RABEP1: variants seen among roughly 807,000 people sequenced by gnomAD.
RABEP1 encodes rab GTPase-binding effector protein 1.
In RABEP1, 51 loss-of-function variants were observed where a neutral mutation model predicts 123.4. The observed-to-expected ratio is 0.41, with a 90% confidence interval of 0.33 to 0.52. The LOEUF (loss-of-function observed/expected upper bound fraction) is 0.52. Ranked by LOEUF, RABEP1 falls within the 20% of genes least tolerant of loss-of-function variation. RABEP1 has a pLI of 0.16. For synonymous variants in RABEP1, 347 were observed against 355.2 expected, an observed-to-expected ratio of 0.98 and a Z score of 0.26; for missense variants, 888 against 996.3, an observed-to-expected ratio of 0.89 and a Z score of 1.46.
rs777914012 is a variant in RABEP1, at chr17:5,354,426, T to A, written c.1031T>A (p.Ile344Lys). The change falls in exon 8 of 18, where the codon ATA becomes AAA. Residue 344 changes from isoleucine (I) to lysine (K), a missense_variant. Physicochemically the swap from Ile to Lys is moderately radical, Grantham distance 102. Transcript: ENST00000537505. ...DHKKADVEEE[I>K]KIPVVCALTQ... is the part of the protein sequence containing the mutation. ...AAAAAAGCAGATGTTGAGGAAGAAA[T>A]AAAAATACCAGTAGTGTGTGCTTTA... 1 of 1,612,982 alleles carries A rather than the reference T, an allele frequency of 6.2e-7. No individual in the cohort carries two copies. Among genetic ancestry groups the A allele is most frequent in the Non-Finnish European group, 8.5e-7 (1 of 1,179,534 alleles).
At chr17:5,285,876 GCATGTAC>G in intron 1 of RABEP1, among the ~76,000 whole-genome samples, 2 of 150,802 alleles carry the variant, frequency 1.3e-5, no homozygotes, top group Non-Finnish European at 2.9e-5. Flanking sequence ...CTTATCATAT[GCATGTAC>G]CAGGCATGAT....
At chr17:5,320,441 A>AAAAAAAAAAAAAAAAAAAAAC (rs2075343460) in intron 2 of RABEP1, among the ~76,000 whole-genome samples, 1 of 141,036 alleles carries the variant, frequency 7.1e-6, no homozygotes, top group Admixed American at 6.9e-5. Context: ...AAAAAAAAAA[A>AAAAAAAAAAAAAAAAAAAAAC]AAAGAAAAAG....
intron 1 of RABEP1, among the ~76,000 whole-genome samples, chr17:5,295,419 AT>A: frequency 6.6e-6 from 1 of 151,836 alleles, no homozygotes; most frequent in Admixed American, 6.6e-5. Flanking sequence ...TTTTAATGGT[AT>A]GTAACAATAG....
At chr17:5,286,909 T>A (rs957242415) in intron 1 of RABEP1, among the ~76,000 whole-genome samples, 3 of 152,158 alleles carry the variant, frequency 2.0e-5, no homozygotes, top group Non-Finnish European at 4.4e-5. Context: ...TCAGGCAGCT[T>A]TATTGAGAAG....
chr17:5,341,461 T>C (rs1255836173), intron 5 of RABEP1, among the ~76,000 whole-genome samples: 1 of 152,230 alleles, frequency 6.6e-6, no homozygotes, highest in Non-Finnish European at 1.5e-5. Context: ...AAAAATCTTA[T>C]TGTCTCTTGC....
At chr17:5,297,937 T>G (rs1306434622) in intron 1 of RABEP1, among the ~76,000 whole-genome samples, 1 of 152,244 alleles carries the variant, frequency 6.6e-6, no homozygotes, top group Non-Finnish European at 1.5e-5. Flanking sequence ...ATCAAGAGTT[T>G]CCTCCCAAGT....
chr17:5,291,419 G>A (rs1280319567), intron 1 of RABEP1, among the ~76,000 whole-genome samples: 2 of 152,064 alleles, frequency 1.3e-5, no homozygotes, highest in African/African-American at 4.8e-5. Context: ...TTAAAAAAAA[G>A]AAAACTAGAC....
chr17:5,323,752 A>ATATT lies in RABEP1; in HGVS notation c.164-8196_164-8195insATTT, dbSNP rs1462488799. ...TATATATATCTAGGAATATATATATATCTAGGAATATATATATATATCTAG... is the reference window on the plus strand; with the variant it reads ...TATATATATCTAGGAATATATATATATATTTCTAGGAATATATATATATATCTAG... On this transcript the variant is annotated intron_variant, in intron 2 of 17. Transcript: ENST00000537505. Among the ~76,000 whole-genome samples the ATATT allele has an allele frequency of 4.6e-4, 58 of 124,978 alleles. 10 individuals are homozygous for ATATT. The highest frequency in any genetic ancestry group is 1.6e-3 in the African/African-American group (52 of 32,868). The allele number at this position is 124,978 out of a possible 152,430, so 82.0% of individuals were successfully genotyped here.
chr17:5,296,459 A>G (rs968965045), intron 1 of RABEP1, among the ~76,000 whole-genome samples: 1 of 151,986 alleles, frequency 6.6e-6, no homozygotes, highest in Non-Finnish European at 1.5e-5. Flanking sequence ...CTGGGTTTCT[A>G]CATGTTGATG....
rs1354214015 is a variant in RABEP1, at chr17:5,346,972, G to A, written c.784+47G>A. ...ATCTTTGTCTCTAAGAACCATATAA[G>A]TTAAATTGATGTTGACTAATAACAG... On this transcript the variant is annotated intron_variant, in intron 6 of 17. Transcript: ENST00000537505. The A allele has an allele frequency of 3.5e-6, 5 of 1,446,150 alleles. No homozygotes were observed. The African/African-American group carries it at 7.1e-5, about 21-fold the overall frequency. The allele number at this position is 1,446,150 out of a possible 1,614,324, so 89.6% of individuals were successfully genotyped here. A position where few individuals can be genotyped will look rare whatever the true frequency, so the allele number is the denominator to read the frequency against.
intron 6 of RABEP1, among the ~76,000 whole-genome samples, chr17:5,350,163 G>A (rs1167444141): frequency 6.6e-6 from 1 of 152,158 alleles, no homozygotes; most frequent in East Asian, 1.9e-4. Context: ...GGCGGATCAT[G>A]AGGTCAGGAG....
At chr17:5,337,995 G>A (rs1907249225) in intron 4 of RABEP1, 24 bp from the exon 5 acceptor site, 10 of 1,588,608 alleles carry the variant, frequency 6.3e-6, no homozygotes, top group Non-Finnish European at 8.5e-6. Context: ...ATAAGTCGTA[G>A]CATTTAATTC....
Position 5,380,414 on chromosome 17 carries a change from A to G in RABEP1, c.2322A>G (p.Glu774=). The G allele has an allele frequency of 6.4e-7, 1 of 1,572,594 alleles. No homozygotes were observed. The highest frequency in any genetic ancestry group is 8.6e-7 in the Non-Finnish European group (1 of 1,157,510). Reference sequence around the variant, plus strand: ...CTCAACAGCTTGAGAGTCTTCAGGAAATAAAGATCAGTTTGGAAGAGCAGT... The same window carrying G: ...CTCAACAGCTTGAGAGTCTTCAGGAGATAAAGATCAGTTTGGAAGAGCAGT... ...EKSQQLESLQ[E]IKISLEEQLK... The change falls in exon 16 of 18, where the codon GAA becomes GAG. Residue 774 remains glutamate, a synonymous_variant. Coordinates refer to ENST00000537505, the MANE Select transcript of RABEP1 (RefSeq NM_004703.6).
chr17:5,345,548 A>G (rs1907997430), intron 5 of RABEP1, among the ~76,000 whole-genome samples: 1 of 152,242 alleles, frequency 6.6e-6, no homozygotes, highest in Non-Finnish European at 1.5e-5. Flanking sequence ...TTAGTGGGTT[A>G]TATACCACCA....
intron 1 of RABEP1, among the ~76,000 whole-genome samples, chr17:5,295,681 A>T (rs994263322): frequency 6.6e-6 from 1 of 152,186 alleles, no homozygotes; most frequent in Non-Finnish European, 1.5e-5. Flanking sequence ...TCTGAGACCA[A>T]CTGGAAAGCC....
At chr17:5,367,463 G>A (rs1367102521) in intron 11 of RABEP1, among the ~76,000 whole-genome samples, 3 of 151,708 alleles carry the variant, frequency 2.0e-5, no homozygotes, top group Non-Finnish European at 4.4e-5. Context: ...TAGAGACGGG[G>A]TTTCACCATC....
At chr17:5,368,880 G>A (rs189717708) in intron 12 of RABEP1, among the ~76,000 whole-genome samples, 20 of 152,212 alleles carry the variant, frequency 1.3e-4, no homozygotes, top group Admixed American at 2.6e-4. Flanking sequence ...GGGCTGAGGC[G>A]GGTGGATCAC....
intron 2 of RABEP1, among the ~76,000 whole-genome samples, chr17:5,314,356 C>A (rs113779056): frequency 0.039 from 5,701 of 146,796 alleles, 220 homozygotes; most frequent in East Asian, 0.14. Context: ...GATTCTCCTG[C>A]CTTAGCCTCC....
chr17:5,377,635 T>TGCTGCCTCAGCCTCCC (rs1333325262), intron 14 of RABEP1, among the ~76,000 whole-genome samples: 1 of 151,654 alleles, frequency 6.6e-6, no homozygotes, highest in Non-Finnish European at 1.5e-5. Flanking sequence ...CAGGCAATTC[T>TGCTGCCTCAGCCTCCC]GCTGCCTCAG....
Sources: gnomAD v4.1 joint callset for allele counts (sites outside exome capture counted in the v4.1 genomes callset) on GRCh38, gnomAD v4.1.1 for gene constraint, MANE v1.5 for transcripts, NCBI Gene and HGNC (gene_info 2026-07-23, HGNC 2026-07-21) for gene names.